Variants in LDB2 observed in about 807,000 individuals in gnomAD.
The protein encoded by LDB2 is LIM domain-binding protein 2.
Under a neutral mutation model 44.3 loss-of-function variants are expected in LDB2, and 12 were observed. That is an observed-to-expected ratio of 0.27 (90% CI 0.17 to 0.44). LDB2 has a LOEUF of 0.44. Ranked by LOEUF, LDB2 falls within the 20% of genes least tolerant of loss-of-function variation. The pLI is 1.00. For synonymous variants in LDB2, 164 were observed against 174.8 expected (o/e 0.94, Z 0.49); for missense variants, 344 against 473.5 (o/e 0.73, Z 2.54).
At chr4:16,664,400 T>C (rs187697145) in intron 2 of LDB2, among the ~76,000 whole-genome samples, 52 of 152,268 alleles carry the variant, frequency 3.4e-4, no homozygotes, top group Non-Finnish European at 6.6e-4. Flanking sequence ...TTTGTTATAG[T>C]AGCCTGAAGG....
chr4:16,612,178 G>A (rs1383416611), intron 2 of LDB2, among the ~76,000 whole-genome samples: 1 of 152,094 alleles, frequency 6.6e-6, no homozygotes, highest in Non-Finnish European at 1.5e-5. Context: ...AGAACAAACA[G>A]ACAATGTACC....
intron 2 of LDB2, among the ~76,000 whole-genome samples, chr4:16,672,850 TC>T (rs772294662): frequency 2.2e-4 from 34 of 151,408 alleles, no homozygotes; most frequent in Non-Finnish European, 4.1e-4. Context: ...CTTCCTTCCT[TC>T]CTTTCCTCCC....
intron 2 of LDB2, among the ~76,000 whole-genome samples, chr4:16,710,105 T>A (rs559735230): frequency 6.6e-6 from 1 of 152,204 alleles, no homozygotes; most frequent in South Asian, 2.1e-4. Flanking sequence ...TTGGGATATA[T>A]TCATACATAT....
intron 1 of LDB2, among the ~76,000 whole-genome samples, chr4:16,772,252 C>A (rs1405354943): frequency 6.6e-6 from 1 of 152,280 alleles, no homozygotes; most frequent in Admixed American, 6.5e-5. Flanking sequence ...CTTGATCATT[C>A]AATTTTGTTT....
intron 2 of LDB2, among the ~76,000 whole-genome samples, chr4:16,613,782 T>C (rs1726339440): frequency 6.6e-6 from 1 of 152,002 alleles, no homozygotes. Flanking sequence ...CACAAACAAA[T>C]GGAAAAACCT....
intron 2 of LDB2, among the ~76,000 whole-genome samples, chr4:16,719,712 T>C (rs2152679918): frequency 6.6e-6 from 1 of 152,250 alleles, no homozygotes; most frequent in African/African-American, 2.4e-5. Flanking sequence ...GTAACCCAGG[T>C]AATGCATTTA....
At position 16,662,097 on chromosome 4, in the gene LDB2, T is replaced by G. The variant is rs111345830; in HGVS notation, c.236-66222A>C. 2.0e-3 allele frequency among the ~76,000 whole-genome samples: 299 copies of G among 152,310 alleles called. 3 individuals carry two copies. Among genetic ancestry groups the G allele is most frequent in the African/African-American group, 6.9e-3 (286 of 41,552 alleles). On this transcript the variant is annotated intron_variant, in intron 2 of 7. Transcript: ENST00000304523. Reference sequence around the variant, plus strand: ...GATTGCCAGAAAACTCAGCATTAATTCTATGCAAATTCTCTTTGTAAATAC... The same window carrying G: ...GATTGCCAGAAAACTCAGCATTAATGCTATGCAAATTCTCTTTGTAAATAC...
chr4:16,848,606 A>G (rs1044899002), intron 1 of LDB2, among the ~76,000 whole-genome samples: 2 of 152,208 alleles, frequency 1.3e-5, no homozygotes, highest in African/African-American at 4.8e-5. Context: ...GGATTTTAGC[A>G]GAAGCTGCAG....
At chr4:16,622,566 A>G (rs1316873408) in intron 2 of LDB2, among the ~76,000 whole-genome samples, 3 of 152,218 alleles carry the variant, frequency 2.0e-5, no homozygotes, top group African/African-American at 7.2e-5. Context: ...CTGAATGAAA[A>G]GCTTTAAAGT....
At chr4:16,866,411 A>T (rs1401921921) in intron 1 of LDB2, among the ~76,000 whole-genome samples, 1 of 152,238 alleles carries the variant, frequency 6.6e-6, no homozygotes, top group African/African-American at 2.4e-5. Flanking sequence ...TAAGAAAATA[A>T]ATACATAATT....
At chr4:16,710,790 C>T (rs1755692871) in intron 2 of LDB2, among the ~76,000 whole-genome samples, 1 of 152,022 alleles carries the variant, frequency 6.6e-6, no homozygotes, top group South Asian at 2.1e-4. Flanking sequence ...TTAACTTTTC[C>T]ACTCTTCTCA....
At chr4:16,794,484 G>A (rs1776345989) in intron 1 of LDB2, among the ~76,000 whole-genome samples, 1 of 152,136 alleles carries the variant, frequency 6.6e-6, no homozygotes, top group Non-Finnish European at 1.5e-5. Context: ...TGCAGGCCAA[G>A]GGTTCTGAGT....
intron 1 of LDB2, among the ~76,000 whole-genome samples, chr4:16,763,073 C>CCACAAACACA (rs1768286291): frequency 7.1e-6 from 1 of 140,138 alleles, no homozygotes; most frequent in African/African-American, 2.6e-5. Context: ...TTAGGTAACA[C>CCACAAACACA]CACACACACA....
intron 2 of LDB2, among the ~76,000 whole-genome samples, chr4:16,723,920 G>A (rs2152686499): frequency 6.6e-6 from 1 of 152,070 alleles, no homozygotes; most frequent in Non-Finnish European, 1.5e-5. Context: ...GCTACCACCT[G>A]GAATAGGACA....
chr4:16,592,505 T>TACACACACACAC (rs58460959), intron 3 of LDB2, among the ~76,000 whole-genome samples: 2 of 108,062 alleles, frequency 1.9e-5, no homozygotes, highest in Non-Finnish European at 3.6e-5. Context: ...TATATATATA[T>TACACACACACAC]ACACACACAC....
chr4:16,849,021 A>G (rs762134112), intron 1 of LDB2, among the ~76,000 whole-genome samples: 2 of 152,246 alleles, frequency 1.3e-5, no homozygotes, highest in Non-Finnish European at 2.9e-5. Flanking sequence ...AAGCACTAAA[A>G]TGAAATCCCA....
chr4:16,862,633 C>CAAAAAA (rs58157857), intron 1 of LDB2, among the ~76,000 whole-genome samples: 4 of 45,084 alleles, frequency 8.9e-5, no homozygotes, highest in East Asian at 9.9e-4. Flanking sequence ...AATTCCATCT[C>CAAAAAA]AAAAAAAAAA....
intron 1 of LDB2, among the ~76,000 whole-genome samples, chr4:16,797,026 G>GA (rs1776869112): frequency 6.6e-6 from 1 of 152,142 alleles, no homozygotes; most frequent in South Asian, 2.1e-4. Flanking sequence ...AAAATATTAT[G>GA]AAAAAACTGA....
chr4:16,601,859 T>C (rs1463799851), intron 2 of LDB2, among the ~76,000 whole-genome samples: 1 of 152,142 alleles, frequency 6.6e-6, no homozygotes, highest in African/African-American at 2.4e-5. Flanking sequence ...AGGAGTGAGA[T>C]AAACAAGACT....
Sources: gnomAD v4.1 joint callset for allele counts (sites outside exome capture counted in the v4.1 genomes callset) on GRCh38, gnomAD v4.1.1 for gene constraint, MANE v1.5 for transcripts, NCBI Gene and HGNC (gene_info 2026-07-23, HGNC 2026-07-21) for gene names.